ZNF469: variants seen among roughly 807,000 people sequenced by gnomAD.
The protein encoded by ZNF469 is zinc finger protein 469.
Under a neutral mutation model 1.0 loss-of-function variants are expected in ZNF469, and 1 was observed. The ratio of observed to expected loss-of-function variants is 1.00; its 90% CI spans 0.35 to 4.73. The LOEUF is 4.73. Ranked by LOEUF, ZNF469 falls within the 30% of genes most tolerant of loss-of-function variation. The probability of loss-of-function intolerance (pLI) is 0.16; values close to 1 mark genes in which losing one functional copy is unlikely to be tolerated. For missense variants in ZNF469, 6,100 were observed against 5,356.3 expected (o/e 1.14, Z -4.33); for synonymous variants, 2,703 against 2,363.4 (o/e 1.14, Z -4.17).
At chr16:88,330,371 G>A in the ZNF469 span, among the ~76,000 whole-genome samples, 1 of 152,246 alleles carries the variant, frequency 6.6e-6, no homozygotes, top group Non-Finnish European at 1.5e-5. Flanking sequence ...GATGTGTGGG[G>A]CATTGGTGCC....
rs1287065879 is a variant in ZNF469 at position 88,382,972 on chromosome 16, GC to G, written c.-472del. Among the ~76,000 whole-genome samples the G allele has an allele frequency of 6.6e-6, 1 of 151,870 alleles. No homozygotes were observed. Among genetic ancestry groups the G allele is most frequent in the East Asian group, 1.9e-4 (1 of 5,150 alleles). ...CCTCCGGGGGGCAGACCCCGCGGCC[GC>G]CGGCCGGCGTCCGGCCTTCCCAGCA... On this transcript the variant is annotated 5_prime_UTR_variant, in exon 1 of 3. Transcript: ENST00000565624.
chr16:88,366,690 C>G, the ZNF469 span, among the ~76,000 whole-genome samples: 1 of 151,398 alleles, frequency 6.6e-6, no homozygotes, highest in African/African-American at 2.4e-5. Flanking sequence ...CCATCACCAT[C>G]ATCATCATCA....
At chr16:88,256,934 CTTTCTTTCTTTCTTTCTTT>C in the ZNF469 span, among the ~76,000 whole-genome samples, 3 of 14,818 alleles carry the variant, frequency 2.0e-4, no homozygotes, top group Non-Finnish European at 3.0e-4. Flanking sequence ...TTCTTTCTTT[CTTTCTTTCTTTCTTTCTTT>C]TCTTTTCTTT....
chr16:88,256,495 A>G, the ZNF469 span, among the ~76,000 whole-genome samples: 1 of 152,258 alleles, frequency 6.6e-6, no homozygotes, highest in Non-Finnish European at 1.5e-5. Context: ...GGCCACAGTG[A>G]ATAAAGCTGC....
chr16:88,260,840 C>G, the ZNF469 span, among the ~76,000 whole-genome samples: 1 of 152,010 alleles, frequency 6.6e-6, no homozygotes, highest in Non-Finnish European at 1.5e-5. The surrounding 1 kb of genome is among the most constrained non-coding windows in gnomAD (Gnocchi z 4.1). Flanking sequence ...CATGGTGGGG[C>G]GGCGTCTGAT....
the ZNF469 span, among the ~76,000 whole-genome samples, chr16:88,229,530 T>TGATGTCACGCGTGTG: frequency 3.6e-5 from 5 of 138,040 alleles, no homozygotes; most frequent in South Asian, 4.6e-4. Context: ...GCGTGTGTGC[T>TGATGTCACGCGTGTG]GATGTCACGC....
the ZNF469 span, among the ~76,000 whole-genome samples, chr16:88,210,739 C>T: frequency 2.0e-5 from 3 of 152,128 alleles, no homozygotes; most frequent in South Asian, 2.1e-4. Context: ...ATTCAGAGGT[C>T]CTCAGGTCTA....
At chr16:88,119,771 G>A in the ZNF469 span, among the ~76,000 whole-genome samples, 2 of 152,208 alleles carry the variant, frequency 1.3e-5, no homozygotes, top group Non-Finnish European at 2.9e-5. Context: ...AGACTGATAA[G>A]GTTTTGCCCA....
chr16:88,222,605 A>C, the ZNF469 span, among the ~76,000 whole-genome samples: 2 of 152,108 alleles, frequency 1.3e-5, no homozygotes, highest in African/African-American at 4.8e-5. Context: ...TAAAAATACA[A>C]AATTAGCTGG....
At chr16:88,167,082 G>C in the ZNF469 span, among the ~76,000 whole-genome samples, 1 of 74,094 alleles carries the variant, frequency 1.3e-5, no homozygotes, top group East Asian at 4.1e-4. Flanking sequence ...TTTTTTCTAA[G>C]AGGGAAATCC....
chr16:88,360,877 A>T, the ZNF469 span, among the ~76,000 whole-genome samples: 1 of 152,202 alleles, frequency 6.6e-6, no homozygotes, highest in Non-Finnish European at 1.5e-5. Flanking sequence ...TTTTAGCCTC[A>T]GGGACCGGTT....
At chr16:88,397,089 C>T (rs1015559300) in intron 1 of ZNF469, among the ~76,000 whole-genome samples, 2 of 152,136 alleles carry the variant, frequency 1.3e-5, no homozygotes, top group African/African-American at 4.8e-5. Flanking sequence ...CAGGCAGAGA[C>T]CCTGCTGCAG....
chr16:88,272,937 GAT>G, the ZNF469 span, among the ~76,000 whole-genome samples: 2 of 148,524 alleles, frequency 1.3e-5, no homozygotes, highest in Admixed American at 6.7e-5. Flanking sequence ...CGAGTGGACG[GAT>G]GGATGAACGG....
At position 88,439,269 on chromosome 16, in the gene ZNF469, C is replaced by A. The variant is rs1190056962; in HGVS notation, c.11799C>A (p.Ser3933Arg). Residue 3933 changes from serine to arginine, a missense_variant, in exon 3 of 3, where the codon AGC becomes AGA. By Grantham distance (110) the Ser-to-Arg change is moderately radical. Transcript: ENST00000565624. ...CCGAGGCCCAGAGTGACCTCCTCAG[C>A]CAGCTCTTCGGGCAGAGACTAACTG... is the stretch of plus-strand genomic sequence containing the variant. ...RTAEAQSDLLSQLFGQRLTGF... is the reference protein window; with the variant it reads ...RTAEAQSDLLRQLFGQRLTGF... The A allele has an allele frequency of 5.8e-6, 9 of 1,550,392 alleles. No homozygotes were observed. Among genetic ancestry groups the A allele is most frequent in the African/African-American group, 2.7e-5 (2 of 73,080 alleles).
chr16:88,422,772 ATGGATGGTTGGATGGATGGATGGG>A (rs1905525078), intron 1 of ZNF469, among the ~76,000 whole-genome samples: 1 of 49,152 alleles, frequency 2.0e-5, no homozygotes, highest in African/African-American at 5.4e-5. Context: ...GGATGGATGG[ATGGATGGTTGGATGGATGGATGGG>A]TGGATGGACA....
At chr16:88,258,743 A>G in the ZNF469 span, among the ~76,000 whole-genome samples, 1,826 of 152,274 alleles carry the variant, frequency 0.012, 46 homozygotes, top group African/African-American at 0.042. Context: ...GGTTTGCAGC[A>G]ATGCAGAAAA....
At chr16:88,172,522 C>T in the ZNF469 span, among the ~76,000 whole-genome samples, 1,442 of 152,260 alleles carry the variant, frequency 9.5e-3, 27 homozygotes, top group African/African-American at 0.034. Flanking sequence ...AAGTCCAACG[C>T]TATTCAAAGG....
chr16:88,174,063 G>T, the ZNF469 span, among the ~76,000 whole-genome samples: 2 of 152,086 alleles, frequency 1.3e-5, no homozygotes, highest in African/African-American at 2.4e-5. Flanking sequence ...GTAAGATACA[G>T]TAAAGAAGGA....
the ZNF469 span, among the ~76,000 whole-genome samples, chr16:88,157,893 C>T: frequency 3.9e-5 from 6 of 151,986 alleles, no homozygotes; most frequent in Admixed American, 1.3e-4. Flanking sequence ...GCTGAATGAC[C>T]AGGGATCCTG....
Sources: allele counts gnomAD v4.1 joint callset (sites outside exome capture counted in the v4.1 genomes callset), GRCh38; gene constraint gnomAD v4.1.1; non-coding constraint Gnocchi (gnomAD v3.1); transcripts MANE v1.5; gene names NCBI Gene and HGNC (gene_info 2026-07-23, HGNC 2026-07-21).